Variants in CCDC78 observed in about 807,000 individuals in gnomAD.
CCDC78 encodes coiled-coil domain-containing protein 78.
Under a neutral mutation model 61.9 loss-of-function variants are expected in CCDC78, and 78 were observed. The ratio of observed to expected loss-of-function variants is 1.26; its 90% CI spans 1.05 to 1.52. The LOEUF is 1.52. CCDC78 is among the 40% of genes most tolerant of loss of function. The pLI, the probability that CCDC78 is intolerant of heterozygous loss-of-function variation, is 0.00. For synonymous variants in CCDC78, 287 were observed against 251.9 expected, an observed-to-expected ratio of 1.14 and a Z score of -1.32; for missense variants, 737 against 615.5, an observed-to-expected ratio of 1.20 and a Z score of -2.09.
In CCDC78 at chr16:725,136, C is replaced by G. The variant is rs777794522; in HGVS notation, c.502G>C (p.Glu168Gln). Residue 168 changes from glutamate to glutamine, a missense_variant, in exon 6 of 14, where the codon GAA (glutamate) becomes CAA (glutamine). Glu to Gln is a conservative substitution (Grantham distance 29). Coordinates refer to ENST00000345165, the MANE Select transcript of CCDC78 (RefSeq NM_001378030.1). ...QHRLGSGLQGEVKWALEHQEA... is the reference protein window; with the variant it reads ...QHRLGSGLQGQVKWALEHQEA... ...TGATGCTCCAGCGCCCACTTCACTT[C>G]CCCCTGCAGCTGTGGGGCACACAGG... The G allele has an allele frequency of 3.1e-6, 5 of 1,612,804 alleles. No individual in the cohort carries two copies. The South Asian group carries it at 4.4e-5, about 14-fold the overall frequency.
chr16:723,940 C>T lies in CCDC78; in HGVS notation c.1054-4G>A. Reference sequence around the variant, plus strand: ...GCAGTGCCCCAGGCCCGCCGTGCTACAGAGGTTTGTGGTGGGGACGTTTCA... The same window carrying T: ...GCAGTGCCCCAGGCCCGCCGTGCTATAGAGGTTTGTGGTGGGGACGTTTCA... On this transcript the variant is annotated splice_region_variant and splice_polypyrimidine_tract_variant and intron_variant, in intron 10 of 13. Coordinates refer to ENST00000345165, the MANE Select transcript of CCDC78 (RefSeq NM_001378030.1). 2 of 1,603,394 alleles carry T rather than the reference C, an allele frequency of 1.2e-6. No homozygotes were observed. Among genetic ancestry groups the T allele is most frequent in the South Asian group, 1.1e-5 (1 of 89,748 alleles).
rs969280456 is a variant in CCDC78 at position 726,389 on chromosome 16, C to T, written c.-22G>A. ...CCATAGGCTAGGGAACCCTGGCCAG[C>T]TCCGAGCCCGGTGCTGCCTCCACGC... On this transcript the variant is annotated 5_prime_UTR_variant, in exon 1 of 14. Coordinates refer to ENST00000345165, the MANE Select transcript of CCDC78 (RefSeq NM_001378030.1). The T allele has an allele frequency of 1.3e-6, 2 of 1,517,684 alleles. No homozygotes were observed. Among genetic ancestry groups the T allele is most frequent in the Admixed American group, 2.4e-5 (1 of 41,488 alleles). The allele number at this position is 1,517,684 out of a possible 1,614,324, so 94.0% of individuals were successfully genotyped here. A position where few individuals can be genotyped will look rare whatever the true frequency, so the allele number is the denominator to read the frequency against.
Position 722,931 on chromosome 16 carries a change from T to C in CCDC78, c.1292A>G (p.His431Arg). Reference protein sequence around the residue: ...LSELQEYVDQHLGRYKHEILR... With the variant: ...LSELQEYVDQRLGRYKHEILR... ...AGCTCCCTCTGCCCACCTGCCCAGGTGCTGGTCCACGTACTCCTGTAGCTC... is the reference window on the plus strand; with the variant it reads ...AGCTCCCTCTGCCCACCTGCCCAGGCGCTGGTCCACGTACTCCTGTAGCTC... The change falls in exon 13 of 14, where the codon CAC becomes CGC. Residue 431 changes from histidine (H) to arginine (R), a missense_variant. By Grantham distance (29) the His-to-Arg change is conservative. Coordinates refer to ENST00000345165, the MANE Select transcript of CCDC78 (RefSeq NM_001378030.1). 1 of 1,612,246 alleles carries C rather than the reference T, an allele frequency of 6.2e-7. No homozygotes were observed. Among genetic ancestry groups the C allele is most frequent in the Non-Finnish European group, 8.5e-7 (1 of 1,179,980 alleles).
intron 11 of CCDC78, 151 bp from the exon 12 acceptor site, chr16:723,312 C>CT: frequency 1.2e-6 from 1 of 851,682 alleles, no homozygotes. Context: ...GCTCCTGTGG[C>CT]GCCCCCCCCA....
intron 1 of CCDC78, 74 bp downstream of exon 1, chr16:726,234 G>A (rs543663563): frequency 1.9e-6 from 3 of 1,550,128 alleles, no homozygotes; most frequent in African/African-American, 2.7e-5. Flanking sequence ...GCAGGAACCT[G>A]CACCCTCCTG....
In CCDC78 at chr16:725,137, C is replaced by T. The variant is rs2040740497; in HGVS notation, c.501G>A (p.Gly167=). The change falls in exon 6 of 14, where the codon GGG becomes GGA. Residue 167 remains glycine, a synonymous_variant. Coordinates refer to ENST00000345165, the MANE Select transcript of CCDC78 (RefSeq NM_001378030.1). The stretch of plus-strand genomic sequence containing the variant: ...GATGCTCCAGCGCCCACTTCACTTC[C>T]CCCTGCAGCTGTGGGGCACACAGGG... ...EQHRLGSGLQ[G]EVKWALEHQE... is the part of the protein sequence containing the mutation. 1 of 1,612,694 alleles carries T rather than the reference C, an allele frequency of 6.2e-7. No individual in the cohort carries two copies. Among genetic ancestry groups the T allele is most frequent in the South Asian group, 1.1e-5 (1 of 91,092 alleles).
In CCDC78 at chr16:724,692, A is replaced by C. The variant is rs2071950; in HGVS notation, c.754T>G (p.Trp252Gly). Reference protein sequence around the residue: ...EYVLRLQHCAWQAVEHADGAG... With the variant: ...EYVLRLQHCAGQAVEHADGAG... ...CCTGCAGGGCTCACCACTGCCTGCC[A>C]GGCGCAGTGTTGCAGCCGTAGGACG... Residue 252 changes from tryptophan to glycine, a missense_variant, in exon 8 of 14, where the codon TGG becomes GGG. Physicochemically the swap from Trp to Gly is radical, Grantham distance 184. Transcript: ENST00000345165. 6.8e-6 allele frequency: 11 copies of C among 1,609,972 alleles called. No individual in the cohort carries two copies. The highest frequency in any genetic ancestry group is 8.5e-6 in the Non-Finnish European group (10 of 1,179,338).
In CCDC78 at chr16:723,870, T is replaced by A; in HGVS notation, c.1120A>T (p.Thr374Ser). 1 of 1,592,656 alleles carries A rather than the reference T, an allele frequency of 6.3e-7. No individual in the cohort carries two copies. Among genetic ancestry groups the A allele is most frequent in the Non-Finnish European group, 8.5e-7 (1 of 1,169,798 alleles). Residue 374 changes from threonine to serine, a missense_variant, in exon 11 of 14, where the codon ACA becomes TCA. Thr to Ser is a moderately conservative substitution (Grantham distance 58). Coordinates refer to ENST00000345165, the MANE Select transcript of CCDC78 (RefSeq NM_001378030.1). ...KRPGGASQGG[T>S]SEPQGLDAAS... ...GAGGGCACTCACTGTGGCTCTGATG[T>A]TCCCCCCTGGGAGGCTCCACCGGGT...
intron 3 of CCDC78, 65 bp from the exon 4 acceptor site, chr16:725,645 A>C: frequency 6.3e-7 from 1 of 1,584,534 alleles, no homozygotes; most frequent in African/African-American, 1.3e-5. Flanking sequence ...GTGAACATTC[A>C]CCCGGTGCAC....
Position 723,927 on chromosome 16 carries a change from G to A in CCDC78, c.1063C>T (p.Pro355Ser), listed in dbSNP as rs1257578085. The change falls in exon 11 of 14, where the codon CCT (proline) becomes TCT (serine). Residue 355 changes from proline (P) to serine (S), a missense_variant. Coordinates refer to ENST00000345165, the MANE Select transcript of CCDC78 (RefSeq NM_001378030.1). ...TTTGGGGATGAGAGCAGTGCCCCAG[G>A]CCCGCCGTGCTACAGAGGTTTGTGG... is the stretch of plus-strand genomic sequence containing the variant. ...FSHREDQHGG[P>S]GALLSSPKKR... 3 of 1,600,822 alleles carry A rather than the reference G, an allele frequency of 1.9e-6. No individual in the cohort carries two copies. The highest frequency in any genetic ancestry group is 3.3e-4 in the Middle Eastern group (2 of 6,036).
At chr16:723,668 T>A (rs1242366170) in intron 11 of CCDC78, 189 bp downstream of exon 11, 4 of 704,054 alleles carry the variant, frequency 5.7e-6, no homozygotes, top group Non-Finnish European at 1.0e-5. Flanking sequence ...CTCTTCTCTT[T>A]CCTGTGATTA....
chr16:723,865 T>C lies in CCDC78; in HGVS notation c.1125A>G (p.Ser375=). Residue 375 remains serine, a synonymous_variant, in exon 11 of 14, where the codon TCA becomes TCG. Coordinates refer to ENST00000345165, the MANE Select transcript of CCDC78 (RefSeq NM_001378030.1). ...RPGGASQGGT[S]EPQGLDAASW... is the part of the protein sequence containing the mutation. ...CCCATGAGGGCACTCACTGTGGCTC[T>C]GATGTTCCCCCCTGGGAGGCTCCAC... 6.3e-7 allele frequency: 1 copy of C among 1,590,406 alleles called. No individual in the cohort carries two copies.
At chr16:723,339 G>A (rs1440288119) in intron 11 of CCDC78, 178 bp from the exon 12 acceptor site, 12 of 768,696 alleles carry the variant, frequency 1.6e-5, no homozygotes, top group Middle Eastern at 2.2e-4. Context: ...GGAGCCATCC[G>A]TGTATAGGGA....
intron 6 of CCDC78, 42 bp from the exon 7 acceptor site, chr16:725,031 G>T: frequency 6.2e-7 from 1 of 1,612,532 alleles, no homozygotes; most frequent in Non-Finnish European, 8.5e-7. Flanking sequence ...CACGATCAGG[G>T]GTTCTCTCTG....
At chr16:726,653 C>T, upstream of CCDC78, 2 of 521,298 alleles carry the variant, frequency 3.8e-6, no homozygotes, top group South Asian at 2.8e-5. Flanking sequence ...AGCGCCCAGC[C>T]TGGGCGCAGC....
At position 723,029 on chromosome 16, in the gene CCDC78, T is replaced by C; in HGVS notation, c.1201-7A>G. ...GCTCCCGTTCCAGCTCTGCCTGGCA[T>C]GGGGATGTAAGCCATGAGCTGGGGC... On this transcript the variant is annotated splice_polypyrimidine_tract_variant and splice_region_variant and intron_variant, in intron 12 of 13. Transcript: ENST00000345165. The C allele has an allele frequency of 2.5e-6, 4 of 1,612,452 alleles. No homozygotes were observed. The Admixed American group carries it at 6.7e-5, about 27-fold the overall frequency.
chr16:726,001 G>T lies in CCDC78; in HGVS notation c.145C>A (p.Pro49Thr), dbSNP rs536869945. 10 of 1,550,186 alleles carry T rather than the reference G, an allele frequency of 6.5e-6. No homozygotes were observed. Among genetic ancestry groups the T allele is most frequent in the Middle Eastern group, 1.7e-4 (1 of 5,992 alleles). The change falls in exon 2 of 14, where the codon CCA becomes ACA. Residue 49 changes from proline (P) to threonine (T), a missense_variant. Pro to Thr is a conservative substitution (Grantham distance 38). Transcript: ENST00000345165. ...WATSLEAEVP[P>T]DLALNKEQQL... The stretch of plus-strand genomic sequence containing the variant: ...TGCTCCTTATTGAGCGCTAGATCTG[G>T]TGGGACCTCTGCTTCCAAGCTGGTG...
Position 724,312 on chromosome 16 carries a change from C to T in CCDC78, c.953+10G>A, listed in dbSNP as rs79863898. The T allele has an allele frequency of 3.5e-4, 568 of 1,607,900 alleles. 2 individuals are homozygous for T. The African/African-American group carries it at 5.9e-3, about 17-fold the overall frequency. ...AGATGCCTGACACCTCCCATCCCAG[C>T]GGGGCCCACCTGTAGGCAACCAGTA... On this transcript the variant is annotated intron_variant, in intron 9 of 13. Transcript: ENST00000345165.
rs748870674 is a variant in CCDC78 at position 723,898 on chromosome 16, CTT to C, written c.1090_1091del (p.Lys364GlufsTer54). 5 of 1,600,618 alleles carry C rather than the reference CTT, an allele frequency of 3.1e-6. No individual in the cohort carries two copies. The highest frequency in any genetic ancestry group is 4.5e-5 in the East Asian group (2 of 44,416). ...CCCCCTGGGAGGCTCCACCGGGTCT[CTT>C]TTTTGGGGATGAGAGCAGTGCCCCA... is the stretch of plus-strand genomic sequence containing the variant. ...GPGALLSSPK[K>X]RPGGASQGGT... On this transcript the variant is annotated frameshift_variant, in exon 11 of 14. Coordinates refer to ENST00000345165, the MANE Select transcript of CCDC78 (RefSeq NM_001378030.1). LOFTEE classifies it high-confidence loss of function.
Sources: allele counts gnomAD v4.1 joint callset, GRCh38; gene constraint gnomAD v4.1.1; transcripts MANE v1.5; gene names NCBI Gene and HGNC (gene_info 2026-07-23, HGNC 2026-07-21).